The following GNA15 variants were observed in gnomAD, a reference collection of about 807,000 sequenced individuals.
GNA15 encodes the protein G protein subunit alpha 15, also known as guanine nucleotide-binding protein subunit alpha-15.
Under a neutral mutation model 40.1 loss-of-function variants are expected in GNA15, and 23 were observed. The observed-to-expected ratio is 0.57, with a 90% CI of 0.41 to 0.81. The LOEUF (loss-of-function observed/expected upper bound fraction) is 0.81, where lower values mean the gene tolerates loss of function less well. Among genes scored for constraint, GNA15 ranks in the 40% least tolerant of loss-of-function variants. The pLI, the probability that GNA15 is intolerant of heterozygous loss-of-function variation, is 0.00. For missense variants in GNA15, 522 were observed against 515.8 expected (o/e 1.01, Z -0.12); for synonymous variants, 226 against 210.4 (o/e 1.07, Z -0.64).
rs1328749786 is a variant in GNA15 at position 3,163,035 on chromosome 19, G to C, written c.*16G>C. 5 of 1,583,778 alleles carry C rather than the reference G, an allele frequency of 3.2e-6. No homozygotes were observed. The African/African-American group carries it at 4.0e-5, about 13-fold the overall frequency. ...CCTGCTGTGACCCAGGCCCCACCTG[G>C]GGCAGGCGGCACCGGCGGGCGGGTG... On this transcript the variant is annotated 3_prime_UTR_variant, in exon 7 of 7. Transcript: ENST00000262958.
chr19:3,141,436 C>T (rs899551744), intron 1 of GNA15: 1 of 152,266 alleles, frequency 6.6e-6, no homozygotes. Context: ...TACTCTATCA[C>T]CCCGGTTGGA....
intron 5 of GNA15, among the ~76,000 whole-genome samples, chr19:3,156,203 C>CACG (rs1555707138): frequency 0.076 from 9,571 of 125,786 alleles, 380 homozygotes; most frequent in African/African-American, 0.12. Context: ...CACACACACA[C>CACG]TACAGTGCAC....
intron 2 of GNA15, chr19:3,149,900 C>T (rs1432143277): frequency 8.2e-6 from 4 of 484,908 alleles, no homozygotes; most frequent in African/African-American, 8.1e-5. Context: ...AGCACATGTG[C>T]CCTCTGCAGC....
Position 3,136,673 on chromosome 19 carries a change from C to A in GNA15, c.145+78C>A. On this transcript the variant is annotated intron_variant, in intron 1 of 6. Transcript: ENST00000262958. This position sits in a 1 kb window ranked among gnomAD's most constrained non-coding sequence, Gnocchi z 4.9. ...CGGCAGGGGTGTCGGGGCAAGGAGGCGGATCAGGCTAGGTCAGACATTGGC... is the reference window on the plus strand; with the variant it reads ...CGGCAGGGGTGTCGGGGCAAGGAGGAGGATCAGGCTAGGTCAGACATTGGC... 16 of 1,346,242 alleles carry A rather than the reference C, an allele frequency of 1.2e-5. No individual in the cohort carries two copies. The highest frequency in any genetic ancestry group is 1.6e-5 in the Non-Finnish European group (16 of 972,410). 83.4% of individuals were successfully genotyped at this position (1,346,242 alleles called of 1,614,324 possible).
At position 3,163,253 on chromosome 19, in the gene GNA15, G is replaced by A. The variant is rs1255074927; in HGVS notation, c.*234G>A. The A allele has an allele frequency of 5.3e-6, 3 of 562,924 alleles. No individual in the cohort carries two copies. The highest frequency in any genetic ancestry group is 9.6e-6 in the Non-Finnish European group (3 of 313,846). The allele number at this position is 562,924 out of a possible 1,614,324, so 34.9% of individuals were successfully genotyped here. ...GTTTCCCTCCTTTGAAAGGGAAGGA[G>A]CAAAACGGCCATTTGGGATGCCAGG... On this transcript the variant is annotated 3_prime_UTR_variant, in exon 7 of 7. Transcript: ENST00000262958.
Position 3,151,948 on chromosome 19 carries a change from G to C in GNA15, c.614+113G>C. On this transcript the variant is annotated intron_variant, in intron 4 of 6. Transcript: ENST00000262958. This position sits in a 1 kb window ranked among gnomAD's most constrained non-coding sequence, Gnocchi z 5.0. ...GGAGTTTCTTAGGCCCAGCCTTCAA[G>C]GAGCTGCCAAGCTAGGGGAAGCAAA... is the stretch of plus-strand genomic sequence containing the variant. 1 of 740,482 alleles carries C rather than the reference G, an allele frequency of 1.4e-6. No individual in the cohort carries two copies. 45.9% of individuals were successfully genotyped at this position (740,482 alleles called of 1,614,324 possible).
chr19:3,138,653 C>T (rs112755363), intron 1 of GNA15, among the ~76,000 whole-genome samples: 42,542 of 151,856 alleles, frequency 0.28, 6,129 homozygotes, highest in Non-Finnish European at 0.32. Context: ...TTTTTTGAGA[C>T]GGAGTCTTGC....
intron 1 of GNA15, among the ~76,000 whole-genome samples, chr19:3,137,652 CG>C (rs1568291599): frequency 6.6e-6 from 1 of 152,122 alleles, no homozygotes; most frequent in African/African-American, 2.4e-5. Context: ...TGTGGTGGTG[CG>C]TGCCTGTAGT....
chr19:3,136,639 G>A lies in GNA15; in HGVS notation c.145+44G>A. On this transcript the variant is annotated intron_variant, in intron 1 of 6. Transcript: ENST00000262958. The surrounding 1 kb of genome is among the most constrained non-coding windows in gnomAD (Gnocchi z 4.9). ...GGCGGTGGGTGGTGGGCAGTGGGCG[G>A]TGGCCAGCCGGCAGGGGTGTCGGGG... 1.3e-6 allele frequency: 2 copies of A among 1,523,838 alleles called. No homozygotes were observed. Among genetic ancestry groups the A allele is most frequent in the Non-Finnish European group, 1.8e-6 (2 of 1,126,904 alleles). 94.4% of individuals were successfully genotyped at this position (1,523,838 alleles called of 1,614,324 possible). A position where few individuals can be genotyped will look rare whatever the true frequency, so the allele number is the denominator to read the frequency against.
chr19:3,147,779 C>G (rs1436709553), intron 1 of GNA15, among the ~76,000 whole-genome samples: 3 of 147,496 alleles, frequency 2.0e-5, no homozygotes, highest in East Asian at 4.1e-4. Context: ...CCCAGCTACT[C>G]AGAGAGGCTG....
chr19:3,150,300 T>G lies in GNA15; in HGVS notation c.485+15T>G. The G allele has an allele frequency of 1.3e-6, 2 of 1,539,132 alleles. No individual in the cohort carries two copies. The highest frequency in any genetic ancestry group is 2.4e-5 in the East Asian group (1 of 41,742). On this transcript the variant is annotated intron_variant, in intron 3 of 6. Coordinates refer to ENST00000262958, the MANE Select transcript of GNA15 (RefSeq NM_002068.4). ...TCAGCCGTGTAGTGAGTCTGGGGTC[T>G]GCGGGGGATGGGCGCGTGGGGAGGG...
In GNA15 at chr19:3,155,652, C is replaced by A. The variant is rs1599328745; in HGVS notation, c.615-171C>A. On this transcript the variant is annotated intron_variant, in intron 4 of 6. Coordinates refer to ENST00000262958, the MANE Select transcript of GNA15 (RefSeq NM_002068.4). The surrounding 1 kb of genome is among the most constrained non-coding windows in gnomAD (Gnocchi z 5.6). ...TCAGGCTTCTCATCTGTAAAATGGG[C>A]GTAAGACTCATCCTTGCCTCGCGGG... Among the ~76,000 whole-genome samples, 1 of 152,184 alleles carries A rather than the reference C, an allele frequency of 6.6e-6. No homozygotes were observed. Among genetic ancestry groups the A allele is most frequent in the Admixed American group, 6.5e-5 (1 of 15,278 alleles).
At chr19:3,143,033 T>C (rs2315994) in intron 1 of GNA15, 128,186 of 152,074 alleles carry the variant, frequency 0.84, 54,337 homozygotes, top group Non-Finnish European at 0.89. Flanking sequence ...GTAAAAACAT[T>C]GCTTTAACAG....
rs550350703 is a variant in GNA15 at position 3,148,791 on chromosome 19, A to G, written c.330+16A>G. On this transcript the variant is annotated intron_variant, in intron 2 of 6. Transcript: ENST00000262958. The stretch of plus-strand genomic sequence containing the variant: ...CGAGAGCAAGGTGAGCCGCCAGGGC[A>G]GGCAGGGGCCCAGGGCAGGCAGGGG... 1.4e-5 allele frequency: 22 copies of G among 1,577,684 alleles called. No homozygotes were observed. In the East Asian group the frequency reaches 4.3e-4, roughly 31 times the overall value.
Position 3,151,143 on chromosome 19 carries a change from G to A in GNA15, c.486-564G>A, listed in dbSNP as rs1914872698. 1.3e-5 allele frequency among the ~76,000 whole-genome samples: 2 copies of A among 150,724 alleles called. No homozygotes were observed. The highest frequency in any genetic ancestry group is 3.0e-5 in the Non-Finnish European group (2 of 67,724). On this transcript the variant is annotated intron_variant, in intron 3 of 6. Coordinates refer to ENST00000262958, the MANE Select transcript of GNA15 (RefSeq NM_002068.4). This position sits in a 1 kb window ranked among gnomAD's most constrained non-coding sequence, Gnocchi z 5.0. ...CCTGGCGGGAACCTGTTCCTAGAGT[G>A]CCCCTGTTTTAGAAGGGACCCTTTT...
Position 3,155,730 on chromosome 19 carries a change from A to G in GNA15, c.615-93A>G. 7.1e-7 allele frequency: 1 copy of G among 1,411,836 alleles called. No homozygotes were observed. The highest frequency in any genetic ancestry group is 1.4e-5 in the African/African-American group (1 of 70,350). The allele number at this position is 1,411,836 out of a possible 1,614,324, so 87.5% of individuals were successfully genotyped here. ...AGCACCTATTCTTGCTGTCGCTATT[A>G]TGGATCTTGGCATATCCCAGACGTG... On this transcript the variant is annotated intron_variant, in intron 4 of 6. Coordinates refer to ENST00000262958, the MANE Select transcript of GNA15 (RefSeq NM_002068.4). The surrounding 1 kb of genome is among the most constrained non-coding windows in gnomAD (Gnocchi z 5.6).
At chr19:3,148,829 T>A in intron 2 of GNA15, 54 bp downstream of exon 2, 1 of 1,491,776 alleles carries the variant, frequency 6.7e-7, no homozygotes, top group Non-Finnish European at 9.0e-7. Flanking sequence ...CAGGGCAGGG[T>A]TCCCCAGACC....
At position 3,157,779 on chromosome 19, in the gene GNA15, T is replaced by C; in HGVS notation, c.796T>C (p.Trp266Arg). The C allele has an allele frequency of 6.2e-7, 1 of 1,613,890 alleles. No individual in the cohort carries two copies. The highest frequency in any genetic ancestry group is 8.5e-7 in the Non-Finnish European group (1 of 1,179,768). Reference protein sequence around the residue: ...ALFGTILELPWFKSTSVILFL... With the variant: ...ALFGTILELPRFKSTSVILFL... ...GTTTGGGACTATCCTGGAACTACCCTGGTTCAAAAGCACATCCGTCATCCT... is the reference window on the plus strand; with the variant it reads ...GTTTGGGACTATCCTGGAACTACCCCGGTTCAAAAGCACATCCGTCATCCT... Residue 266 changes from tryptophan to arginine, a missense_variant, in exon 6 of 7, where the codon TGG becomes CGG. Trp to Arg is a moderately radical substitution (Grantham distance 101). Transcript: ENST00000262958.
intron 6 of GNA15, among the ~76,000 whole-genome samples, chr19:3,160,497 T>C (rs1402281276): frequency 6.6e-6 from 1 of 152,182 alleles, no homozygotes; most frequent in Non-Finnish European, 1.5e-5. Flanking sequence ...CTCTGCCACA[T>C]TCTATTTGTC....
Sources: gnomAD v4.1 joint callset for allele counts (sites outside exome capture counted in the v4.1 genomes callset) on GRCh38, gnomAD v4.1.1 for gene constraint, Gnocchi (gnomAD v3.1) non-coding constraint, MANE v1.5 for transcripts, NCBI Gene and HGNC (gene_info 2026-07-23, HGNC 2026-07-21) for gene names.